CD99L2: variants seen among roughly 807,000 people sequenced by gnomAD.
CD99L2 encodes the protein CD99 molecule like 2, also known as CD99 antigen-like protein 2.
Under a neutral mutation model 27.3 loss-of-function variants are expected in CD99L2, and 24 were observed. The observed-to-expected ratio is 0.88, with a 90% CI of 0.64 to 1.24. CD99L2 has a LOEUF of 1.24. Among genes scored for constraint, CD99L2 ranks in the 50% most tolerant of loss-of-function variants. The pLI, the probability that CD99L2 is intolerant of heterozygous loss-of-function variation, is 0.00. For missense variants in CD99L2, 255 were observed against 221.6 expected, an observed-to-expected ratio of 1.15 and a Z score of -0.96; for synonymous variants, 97 against 87.9, an observed-to-expected ratio of 1.10 and a Z score of -0.58.
chrX:150,859,368 A>G (rs2046939114), intron 1 of CD99L2, among the ~76,000 whole-genome samples: 1 of 110,999 alleles, frequency 9.0e-6, no homozygotes, highest in Admixed American at 9.5e-5. Context: ...GCATGGTGGC[A>G]CGCAGCTATA....
rs1372843691 is a variant in CD99L2, at chrX:150,779,736, G to A, written c.497-2254C>T. Among the ~76,000 whole-genome samples the A allele has an allele frequency of 6.2e-5, 7 of 112,478 alleles. No individual in the cohort carries two copies. In the South Asian group the frequency reaches 1.4e-3, roughly 23 times the overall value. On this transcript the variant is annotated intron_variant, in intron 7 of 10. Coordinates refer to ENST00000370377, the MANE Select transcript of CD99L2 (RefSeq NM_031462.4). ...GATCAGTTCCCAGTAAAACTAAAGT[G>A]GATGAAGGCGTAAAAGCACTATAGA...
At chrX:150,818,709 A>T (rs113448921) in intron 2 of CD99L2, 2,379 of 152,880 alleles carry the variant, frequency 0.016, 69 homozygotes, top group African/African-American at 0.07. Flanking sequence ...ACTTTAATAA[A>T]CTAGAAAAAG....
chrX:150,782,229 A>C (rs1195645329), intron 7 of CD99L2, among the ~76,000 whole-genome samples: 2 of 112,783 alleles, frequency 1.8e-5, no homozygotes, highest in Non-Finnish European at 1.9e-5. Flanking sequence ...AGTGCAAAAT[A>C]AAAACAACTT....
intron 4 of CD99L2, among the ~76,000 whole-genome samples, chrX:150,798,316 A>G (rs2045847635): frequency 1.0e-5 from 1 of 99,377 alleles, no homozygotes; most frequent in African/African-American, 3.7e-5. Flanking sequence ...GAAAGGGGAG[A>G]AAGGAAAGGA....
intron 1 of CD99L2, among the ~76,000 whole-genome samples, chrX:150,879,525 G>C (rs782620096): frequency 1.8e-5 from 2 of 109,638 alleles, no homozygotes; most frequent in East Asian, 5.7e-4. Context: ...CGTGATTCAG[G>C]GTATGGCCAG....
chrX:150,824,665 A>G (rs781894721), intron 2 of CD99L2, among the ~76,000 whole-genome samples: 9 of 73,413 alleles, frequency 1.2e-4, no homozygotes, highest in African/African-American at 4.2e-4. Flanking sequence ...AAGAAGAAGA[A>G]GAGGAAGAGG....
rs1603303200 is a variant in CD99L2, at chrX:150,838,595, C to A, written c.68-7302G>T. Among the ~76,000 whole-genome samples, 3 of 108,222 alleles carry A rather than the reference C, an allele frequency of 2.8e-5. No individual in the cohort carries two copies. In the Middle Eastern group the frequency reaches 0.014, roughly 503 times the overall value. The allele number at this position is 108,222 out of a possible 115,157, so 94.0% of individuals were successfully genotyped here. ...AATGAAGAGATCCAGGATATATAAC[C>A]TCAAAACCCATTTAAGGGGAAAAAA... On this transcript the variant is annotated intron_variant, in intron 1 of 10. Coordinates refer to ENST00000370377, the MANE Select transcript of CD99L2 (RefSeq NM_031462.4).
chrX:150,824,286 A>G (rs868949294), intron 2 of CD99L2, among the ~76,000 whole-genome samples: 1 of 57,173 alleles, frequency 1.7e-5, no homozygotes, highest in Admixed American at 1.9e-4. Flanking sequence ...GGAGGAGGAG[A>G]AAGGAAGAAG....
rs1306606206 is a variant in CD99L2 at position 150,766,640 on chromosome X, C to CT, written c.*2393dup. 6.2e-5 allele frequency: 7 copies of CT among 112,652 alleles called. No individual in the cohort carries two copies. Among genetic ancestry groups the CT allele is most frequent in the African/African-American group, 2.3e-4 (7 of 30,979 alleles). 9.3% of individuals were successfully genotyped at this position (112,652 alleles called of 1,213,427 possible). ...AAATTAAGCTGATAGAGATTGGCCA[C>CT]TTTCAACCAGTCCTTTCAGTCCACT... On this transcript the variant is annotated 3_prime_UTR_variant, in exon 11 of 11. Coordinates refer to ENST00000370377, the MANE Select transcript of CD99L2 (RefSeq NM_031462.4).
chrX:150,879,061 ATCAGAGAGG>A (rs1337765210), intron 1 of CD99L2, among the ~76,000 whole-genome samples: 1 of 111,967 alleles, frequency 8.9e-6, no homozygotes, highest in Non-Finnish European at 1.9e-5. Flanking sequence ...AATTCCACTC[ATCAGAGAGG>A]TCACTGGTAT....
chrX:150,859,428 G>C (rs929386242), intron 1 of CD99L2, among the ~76,000 whole-genome samples: 1 of 110,976 alleles, frequency 9.0e-6, no homozygotes, highest in African/African-American at 3.3e-5. Context: ...GAACCCGAGA[G>C]GGGGAGATTG....
chrX:150,886,925 G>A (rs1237072913), intron 1 of CD99L2, among the ~76,000 whole-genome samples: 1 of 111,632 alleles, frequency 9.0e-6, no homozygotes, highest in African/African-American at 3.3e-5. Flanking sequence ...CCAACACTTT[G>A]AGAGGCTGAG....
At chrX:150,788,127 T>C (rs1366021019) in intron 7 of CD99L2, among the ~76,000 whole-genome samples, 2 of 109,139 alleles carry the variant, frequency 1.8e-5, no homozygotes, top group South Asian at 8.0e-4. Context: ...TTGATGAACA[T>C]AGATGCAAAA....
rs782329805 is a variant in CD99L2, at chrX:150,883,255, A to G, written c.67+15267T>C. Among the ~76,000 whole-genome samples, 9 of 112,381 alleles carry G rather than the reference A, an allele frequency of 8.0e-5. No individual in the cohort carries two copies. The East Asian group carries it at 2.5e-3, about 31-fold the overall frequency. ...CATGACAACCCATAAAAGACAGTGG[A>G]AAATCCAGGGAGGTAGGAGTCCATG... On this transcript the variant is annotated intron_variant, in intron 1 of 10. Coordinates refer to ENST00000370377, the MANE Select transcript of CD99L2 (RefSeq NM_031462.4).
chrX:150,799,323 C>A (rs2045865459), intron 4 of CD99L2, among the ~76,000 whole-genome samples: 1 of 99,820 alleles, frequency 1.0e-5, no homozygotes, highest in African/African-American at 3.8e-5. Context: ...CATGGTGAAA[C>A]CCTGTCTCTA....
intron 4 of CD99L2, among the ~76,000 whole-genome samples, chrX:150,813,630 C>T (rs782267554): frequency 9.0e-6 from 1 of 111,536 alleles, no homozygotes; most frequent in Non-Finnish European, 1.9e-5. Flanking sequence ...TATGAGAGCA[C>T]GACCTTTTAA....
rs2148697663 is a variant in CD99L2, at chrX:150,766,391, T to G, written c.*2643A>C. The G allele has an allele frequency of 9.0e-6, 1 of 111,097 alleles. No homozygotes were observed. Among genetic ancestry groups the G allele is most frequent in the African/African-American group, 3.3e-5 (1 of 30,442 alleles). 9.2% of individuals were successfully genotyped at this position (111,097 alleles called of 1,213,427 possible). Reference sequence around the variant, plus strand: ...CACTAGACAGTTTACAAGTCACACCTGGACACAAGCACGTGAACAGATGTA... The same window carrying G: ...CACTAGACAGTTTACAAGTCACACCGGGACACAAGCACGTGAACAGATGTA... On this transcript the variant is annotated 3_prime_UTR_variant, in exon 11 of 11. Transcript: ENST00000370377.
chrX:150,800,652 G>C (rs1341514673), intron 4 of CD99L2, among the ~76,000 whole-genome samples: 3 of 111,091 alleles, frequency 2.7e-5, no homozygotes, highest in Admixed American at 1.9e-4. Context: ...AAATACTAAA[G>C]GAGGGACAAA....
At chrX:150,810,990 G>A (rs1401926487) in intron 4 of CD99L2, among the ~76,000 whole-genome samples, 11 of 111,595 alleles carry the variant, frequency 9.9e-5, no homozygotes, top group African/African-American at 2.3e-4. Flanking sequence ...TCACCTGAGC[G>A]CAGGAGTTGG....
Sources: allele counts gnomAD v4.1 joint callset (sites outside exome capture counted in the v4.1 genomes callset), GRCh38; gene constraint gnomAD v4.1.1; transcripts MANE v1.5; gene names NCBI Gene and HGNC (gene_info 2026-07-23, HGNC 2026-07-21).